Variants in SMPX observed in about 807,000 individuals in gnomAD.
SMPX encodes small muscle protein X-linked, also known as small muscular protein.
SMPX carries 2 observed loss-of-function variants against 6.3 expected under a neutral mutation model. That is an observed-to-expected ratio of 0.32 (90% confidence interval 0.13 to 0.99). The LOEUF is 0.99. Among genes scored for constraint, SMPX ranks in the 50% least tolerant of loss-of-function variants. The probability of loss-of-function intolerance (pLI) is 0.49; values close to 1 mark genes in which losing one functional copy is unlikely to be tolerated. For missense variants in SMPX, 60 were observed against 66.8 expected (o/e 0.90, Z 0.36); for synonymous variants, 32 against 24.7 (o/e 1.30, Z -0.88).
At chrX:21,743,025 A>G (rs1206105620) in intron 3 of SMPX, among the ~76,000 whole-genome samples, 1 of 112,062 alleles carries the variant, frequency 8.9e-6, no homozygotes, top group Admixed American at 9.5e-5. Flanking sequence ...TAAGAAATAT[A>G]AACATCTGAG....
intron 3 of SMPX, among the ~76,000 whole-genome samples, chrX:21,741,703 A>G (rs2092816234): frequency 9.0e-6 from 1 of 111,373 alleles, no homozygotes; most frequent in African/African-American, 3.3e-5. Flanking sequence ...CTTCTGCCCA[A>G]TGAGCTCTAT....
chrX:21,711,746 C>G (rs1209331756), intron 4 of SMPX, among the ~76,000 whole-genome samples: 1 of 111,740 alleles, frequency 8.9e-6, no homozygotes, highest in African/African-American at 3.3e-5. Flanking sequence ...CACTCAGGGG[C>G]AGTGCAATGA....
intron 1 of SMPX, among the ~76,000 whole-genome samples, chrX:21,756,875 CT>C (rs1017280844): frequency 5.3e-5 from 6 of 112,433 alleles, no homozygotes; most frequent in African/African-American, 1.9e-4. Context: ...CATATATTGA[CT>C]TTTACAAAGC....
chrX:21,712,071 CAG>C (rs2092779369), intron 4 of SMPX, among the ~76,000 whole-genome samples: 1 of 112,262 alleles, frequency 8.9e-6, no homozygotes, highest in Non-Finnish European at 1.9e-5. Flanking sequence ...CACCCAAGCT[CAG>C]AGAGGCGCTC....
At chrX:21,731,645 T>C (rs1890011682) in intron 4 of SMPX, among the ~76,000 whole-genome samples, 1 of 100,514 alleles carries the variant, frequency 9.9e-6, no homozygotes, top group African/African-American at 3.6e-5. Context: ...TGTGTACATG[T>C]ACACATAAGT....
intron 4 of SMPX, among the ~76,000 whole-genome samples, chrX:21,723,153 G>C (rs1445272073): frequency 9.0e-6 from 1 of 111,255 alleles, no homozygotes; most frequent in Non-Finnish European, 1.9e-5. Flanking sequence ...ACTACCACCA[G>C]CAGCAGCAGC....
intron 4 of SMPX, among the ~76,000 whole-genome samples, chrX:21,717,345 C>G (rs892001904): frequency 1.8e-5 from 2 of 112,186 alleles, no homozygotes; most frequent in African/African-American, 3.2e-5. Flanking sequence ...TGCCCTTCCA[C>G]CATAATTGAA....
At chrX:21,729,951 C>A (rs1317655680) in intron 4 of SMPX, among the ~76,000 whole-genome samples, 4 of 111,903 alleles carry the variant, frequency 3.6e-5, no homozygotes, top group Non-Finnish European at 7.5e-5. Flanking sequence ...GTTTTGCCAG[C>A]CAGGAAAACA....
intron 4 of SMPX, among the ~76,000 whole-genome samples, chrX:21,728,001 G>A (rs189857462): frequency 1.5e-3 from 164 of 111,468 alleles, no homozygotes; most frequent in Non-Finnish European, 1.9e-3. Flanking sequence ...AAGGCTTCAC[G>A]GGTCGGAGAC....
At chrX:21,754,096 T>G (rs1365817760) in intron 2 of SMPX, 150 bp downstream of exon 2, 4 of 559,635 alleles carry the variant, frequency 7.1e-6, no homozygotes, top group Non-Finnish European at 1.3e-5. Flanking sequence ...CAGTTGTACC[T>G]AACTGGTTTT....
chrX:21,738,776 C>CT (rs1303558088), intron 3 of SMPX, among the ~76,000 whole-genome samples: 1 of 110,997 alleles, frequency 9.0e-6, no homozygotes, highest in African/African-American at 3.3e-5. Flanking sequence ...TCCTGGGAGA[C>CT]TTGGGACTCC....
Position 21,748,455 on chromosome X carries a change from T to C in SMPX, c.46-4619A>G, listed in dbSNP as rs143692769. Among the ~76,000 whole-genome samples, 489 of 112,076 alleles carry C rather than the reference T, an allele frequency of 4.4e-3. 4 individuals are homozygous for C. The highest frequency in any genetic ancestry group is 0.015 in the African/African-American group (456 of 30,860). On this transcript the variant is annotated intron_variant, in intron 2 of 4. Transcript: ENST00000379494. Reference sequence around the variant, plus strand: ...ATGTACTGTACGGCTATTAAGATAATGTGCACAATCAGTCGGGGGCAGGTT... The same window carrying C: ...ATGTACTGTACGGCTATTAAGATAACGTGCACAATCAGTCGGGGGCAGGTT...
intron 1 of SMPX, among the ~76,000 whole-genome samples, chrX:21,754,697 T>A (rs1288408723): frequency 1.8e-5 from 2 of 112,325 alleles, no homozygotes; most frequent in African/African-American, 6.5e-5. Flanking sequence ...GAACTTTTGA[T>A]CTGAATTCAT....
chrX:21,753,227 A>G (rs959985378), intron 2 of SMPX, among the ~76,000 whole-genome samples: 4 of 111,904 alleles, frequency 3.6e-5, no homozygotes, highest in African/African-American at 1.3e-4. Context: ...GTTGCTCTAC[A>G]TCCTGCCACT....
At chrX:21,710,519 C>T (rs2092777500) in intron 4 of SMPX, among the ~76,000 whole-genome samples, 1 of 111,633 alleles carries the variant, frequency 9.0e-6, no homozygotes, top group Non-Finnish European at 1.9e-5. Flanking sequence ...ATCTGTGTTA[C>T]AAAAAATCCA....
Sources: gnomAD v4.1 joint callset for allele counts (sites outside exome capture counted in the v4.1 genomes callset) on GRCh38, gnomAD v4.1.1 for gene constraint, MANE v1.5 for transcripts, NCBI Gene and HGNC (gene_info 2026-07-23, HGNC 2026-07-21) for gene names.